Variants in DCP1A observed in about 807,000 individuals in gnomAD.
The protein encoded by DCP1A is mRNA-decapping enzyme 1A.
In DCP1A, 20 loss-of-function variants were observed where a neutral mutation model predicts 58.0. The observed-to-expected ratio is 0.34, with a 90% CI of 0.24 to 0.50. The LOEUF is 0.50. Among genes scored for constraint, DCP1A ranks in the 20% least tolerant of loss-of-function variants. The pLI is 0.98. For missense variants in DCP1A, 613 were observed against 712.2 expected, an observed-to-expected ratio of 0.86 and a Z score of 1.59; for synonymous variants, 285 against 275.1, an observed-to-expected ratio of 1.04 and a Z score of -0.36.
At chr3:53,289,547 G>A (rs1342544135) in intron 8 of DCP1A, among the ~76,000 whole-genome samples, 3 of 151,324 alleles carry the variant, frequency 2.0e-5, no homozygotes, top group Admixed American at 2.0e-4. Flanking sequence ...AGAAGGTGGG[G>A]GTTGCAGTGA....
intron 2 of DCP1A, among the ~76,000 whole-genome samples, chr3:53,343,853 C>T (rs1035980938): frequency 1.3e-5 from 2 of 152,134 alleles, no homozygotes; most frequent in African/African-American, 2.4e-5. Flanking sequence ...CCTCGTGATC[C>T]GCCCACCTCG....
intron 4 of DCP1A, among the ~76,000 whole-genome samples, chr3:53,315,902 C>T (rs576159292): frequency 1.2e-3 from 189 of 151,770 alleles, no homozygotes; most frequent in African/African-American, 4.2e-3. Context: ...TACAGGTGCC[C>T]GCCACCATGC....
chr3:53,326,859 TCCCCCAATCC>T (rs1708118792), intron 3 of DCP1A, among the ~76,000 whole-genome samples: 3 of 151,784 alleles, frequency 2.0e-5, no homozygotes, highest in Admixed American at 1.3e-4. Flanking sequence ...CCTGAAACAA[TCCCCCAATCC>T]CCGTCCATTG....
At chr3:53,318,561 T>A (rs565003937) in intron 4 of DCP1A, among the ~76,000 whole-genome samples, 8 of 152,138 alleles carry the variant, frequency 5.3e-5, no homozygotes, top group Non-Finnish European at 7.3e-5. Context: ...AGCTCTGTAG[T>A]CCCTCAGGCC....
At chr3:53,304,596 G>A (rs1553687787) in intron 5 of DCP1A, among the ~76,000 whole-genome samples, 1 of 152,068 alleles carries the variant, frequency 6.6e-6, no homozygotes, top group Admixed American at 6.6e-5. Context: ...TTTCCAAGAT[G>A]GAGTCTTGCT....
intron 3 of DCP1A, among the ~76,000 whole-genome samples, chr3:53,320,729 C>T (rs998313173): frequency 1.3e-5 from 2 of 152,164 alleles, no homozygotes; most frequent in Non-Finnish European, 2.9e-5. Context: ...TTTCCATGGC[C>T]ACCAGGATAC....
intron 6 of DCP1A, 53 bp downstream of exon 6, chr3:53,304,124 T>C (rs956651424): frequency 2.2e-6 from 3 of 1,361,324 alleles, no homozygotes; most frequent in East Asian, 2.3e-5. Context: ...GAATCCTTAC[T>C]GAATGTTACT....
chr3:53,327,265 C>T lies in DCP1A; in HGVS notation c.305-7792G>A, dbSNP rs138622862. Among the ~76,000 whole-genome samples the T allele has an allele frequency of 1.6e-3, 239 of 152,280 alleles. 2 individuals are homozygous for T. The highest frequency in any genetic ancestry group is 5.5e-3 in the African/African-American group (229 of 41,554). On this transcript the variant is annotated intron_variant, in intron 3 of 9. Transcript: ENST00000610213. Reference sequence around the variant, plus strand: ...CGATCATCCACAGCAGGGTTGTAAGCACAAATACCTCACGGACTATAAGAG... The same window carrying T: ...CGATCATCCACAGCAGGGTTGTAAGTACAAATACCTCACGGACTATAAGAG...
intron 3 of DCP1A, among the ~76,000 whole-genome samples, chr3:53,321,815 A>G (rs1381621171): frequency 6.6e-6 from 1 of 152,204 alleles, no homozygotes; most frequent in African/African-American, 2.4e-5. Context: ...ATCTCATTAC[A>G]TTGAAATAAC....
intron 3 of DCP1A, among the ~76,000 whole-genome samples, chr3:53,328,413 C>T (rs1708169848): frequency 6.6e-6 from 1 of 151,410 alleles, no homozygotes; most frequent in South Asian, 2.1e-4. Flanking sequence ...TGTGAGTTCT[C>T]AAAAGAAAAA....
At chr3:53,298,009 G>A (rs1442635599) in intron 6 of DCP1A, among the ~76,000 whole-genome samples, 1 of 152,194 alleles carries the variant, frequency 6.6e-6, no homozygotes, top group Non-Finnish European at 1.5e-5. Context: ...CTTGAAGCCA[G>A]GAGTTTAAGA....
rs1559679193 is a variant in DCP1A, at chr3:53,290,832, C to T, written c.1408G>A (p.Glu470Lys). The T allele has an allele frequency of 6.2e-7, 1 of 1,602,988 alleles. No individual in the cohort carries two copies. The highest frequency in any genetic ancestry group is 8.5e-7 in the Non-Finnish European group (1 of 1,175,774). Residue 470 changes from glutamate to lysine, a missense_variant, in exon 8 of 10, where the codon GAA becomes AAA. Glu to Lys is a moderately conservative substitution (Grantham distance 56). This residue lies in a region of DCP1A where 498 missense variants were observed against 556.7 expected (regional missense o/e 0.89). Coordinates refer to ENST00000610213, the MANE Select transcript of DCP1A (RefSeq NM_018403.7). Reference sequence around the variant, plus strand: ...AACACCTTAGGCTGCACAAATACTTCAGGATCCTGGTTCTGCTGCATAGAC... The same window carrying T: ...AACACCTTAGGCTGCACAAATACTTTAGGATCCTGGTTCTGCTGCATAGAC... Reference protein sequence around the residue: ...LQSMQQNQDPEVFVQPKVLSS... With the variant: ...LQSMQQNQDPKVFVQPKVLSS...
In DCP1A at chr3:53,283,931, C is replaced by T. The variant is rs973202167; in HGVS notation, c.*3649G>A. 4 of 152,166 alleles carry T rather than the reference C, an allele frequency of 2.6e-5. No homozygotes were observed. The highest frequency in any genetic ancestry group is 9.7e-5 in the African/African-American group (4 of 41,422). 9.4% of individuals were successfully genotyped at this position (152,166 alleles called of 1,614,324 possible). A position where few individuals can be genotyped will look rare whatever the true frequency, so the allele number is the denominator to read the frequency against. On this transcript the variant is annotated 3_prime_UTR_variant, in exon 10 of 10. Transcript: ENST00000610213. ...AGGCTCCTCAAGGCCCTGGTCCACT[C>T]GGAAATGTTCTCAAGCACAGCTGTA... is the stretch of plus-strand genomic sequence containing the variant.
intron 2 of DCP1A, among the ~76,000 whole-genome samples, chr3:53,343,373 C>T (rs1219876071): frequency 6.6e-6 from 1 of 152,122 alleles, no homozygotes; most frequent in Non-Finnish European, 1.5e-5. Flanking sequence ...CAGTTTCTTG[C>T]GTCTCCTTTA....
At chr3:53,316,164 A>G (rs1224405773) in intron 4 of DCP1A, among the ~76,000 whole-genome samples, 2 of 152,174 alleles carry the variant, frequency 1.3e-5, no homozygotes, top group South Asian at 2.1e-4. Context: ...ACATTTATTT[A>G]TATGTATAAT....
rs185515621 is a variant in DCP1A at position 53,318,170 on chromosome 3, T to C, written c.371+1237A>G. On this transcript the variant is annotated intron_variant, in intron 4 of 9. Coordinates refer to ENST00000610213, the MANE Select transcript of DCP1A (RefSeq NM_018403.7). ...CCCCCAAAAAATTAGCTGATAGTGG[T>C]GGTGCATGCCTGTAGTCCCAGCTAC... is the stretch of plus-strand genomic sequence containing the variant. Among the ~76,000 whole-genome samples the C allele has an allele frequency of 6.6e-4, 100 of 152,250 alleles. 1 individual carries two copies. The highest frequency in any genetic ancestry group is 6.8e-3 in the Middle Eastern group (2 of 294).
chr3:53,289,946 AAAAGCAGGCTGAGAT>A (rs1706792768), intron 8 of DCP1A, among the ~76,000 whole-genome samples: 1 of 152,192 alleles, frequency 6.6e-6, no homozygotes, highest in Non-Finnish European at 1.5e-5. Context: ...TTTTTGGTGC[AAAAGCAGGCTGAGAT>A]AGATCACCAT....
intron 3 of DCP1A, among the ~76,000 whole-genome samples, chr3:53,339,277 A>C (rs1411146963): frequency 6.6e-6 from 1 of 152,256 alleles, no homozygotes; most frequent in African/African-American, 2.4e-5. Flanking sequence ...ATTCCTTTAA[A>C]TACTTTCCCT....
chr3:53,324,250 T>C (rs574855342), intron 3 of DCP1A, among the ~76,000 whole-genome samples: 2 of 152,222 alleles, frequency 1.3e-5, no homozygotes, highest in Admixed American at 6.5e-5. Flanking sequence ...TCACACTCGA[T>C]TCTGCCAAAA....
Sources: allele counts gnomAD v4.1 joint callset (sites outside exome capture counted in the v4.1 genomes callset), GRCh38; gene constraint gnomAD v4.1.1; regional missense constraint gnomAD v4.1.1; transcripts MANE v1.5; gene names NCBI Gene and HGNC (gene_info 2026-07-23, HGNC 2026-07-21).